Variants in ARRB1 observed in about 807,000 individuals in gnomAD.
The protein encoded by ARRB1 is beta-arrestin-1.
In ARRB1, 21 loss-of-function variants were observed where a neutral mutation model predicts 56.8. That is an observed-to-expected ratio of 0.37 (90% CI 0.26 to 0.53). ARRB1 has a LOEUF of 0.53. Ranked by LOEUF, ARRB1 falls within the 20% of genes least tolerant of loss-of-function variation. ARRB1 has a pLI of 0.88. For synonymous variants in ARRB1, 210 were observed against 218.6 expected, an observed-to-expected ratio of 0.96 and a Z score of 0.35; for missense variants, 424 against 553.7, an observed-to-expected ratio of 0.77 and a Z score of 2.35.
At chr11:75,329,006 A>G (rs1184196581) in intron 1 of ARRB1, among the ~76,000 whole-genome samples, 1 of 151,972 alleles carries the variant, frequency 6.6e-6, no homozygotes, top group African/African-American at 2.4e-5. Flanking sequence ...AGGGTTTCCC[A>G]TGCAAATTGG....
rs1214356937 is a variant in ARRB1, at chr11:75,264,403, T to A, written c.*1760A>T. 1.3e-5 allele frequency: 2 copies of A among 152,358 alleles called. No homozygotes were observed. The highest frequency in any genetic ancestry group is 3.9e-4 in the East Asian group (2 of 5,182). 9.4% of individuals were successfully genotyped at this position (152,358 alleles called of 1,614,324 possible). On this transcript the variant is annotated 3_prime_UTR_variant, in exon 16 of 16. Coordinates refer to ENST00000420843, the MANE Select transcript of ARRB1 (RefSeq NM_004041.5). Reference sequence around the variant, plus strand: ...TGTCCTGCTAATCAATATATTTGCCTGGGTAAACCTCAGGGTGTCTGTGCC... The same window carrying A: ...TGTCCTGCTAATCAATATATTTGCCAGGGTAAACCTCAGGGTGTCTGTGCC...
chr11:75,325,353 G>C (rs534796813), intron 1 of ARRB1, among the ~76,000 whole-genome samples: 11 of 152,270 alleles, frequency 7.2e-5, no homozygotes, highest in Middle Eastern at 3.4e-3. Flanking sequence ...AGGGTCTCTC[G>C]TTCTGTCACC....
In ARRB1 at chr11:75,283,473, C is replaced by T. The variant is rs749110525; in HGVS notation, c.168G>A (p.Thr56=). The change falls in exon 5 of 16, where the codon ACG becomes ACA. Residue 56 remains threonine (T), a synonymous_variant. Coordinates refer to ENST00000420843, the MANE Select transcript of ARRB1 (RefSeq NM_004041.5). Reference sequence around the variant, plus strand: ...GGCCATAGCGGAAGGCGCAGGTCAGCGTCACATAGACTGTGGGGAGCGAGG... The same window carrying T: ...GGCCATAGCGGAAGGCGCAGGTCAGTGTCACATAGACTGTGGGGAGCGAGG... ...EYLKERRVYV[T]LTCAFRYGRE... 23 of 1,610,518 alleles carry T rather than the reference C, an allele frequency of 1.4e-5. No individual in the cohort carries two copies. The highest frequency in any genetic ancestry group is 1.1e-4 in the African/African-American group (8 of 74,990).
chr11:75,300,030 C>CT (rs1946860461), intron 1 of ARRB1, among the ~76,000 whole-genome samples: 1 of 151,716 alleles, frequency 6.6e-6, no homozygotes, highest in South Asian at 2.1e-4. Context: ...CATGGTGAAA[C>CT]CCTGTCTCTA....
chr11:75,326,724 CTTTT>C (rs34937667), intron 1 of ARRB1, among the ~76,000 whole-genome samples: 3 of 123,794 alleles, frequency 2.4e-5, no homozygotes, highest in Non-Finnish European at 3.3e-5. Context: ...AAATTACTGT[CTTTT>C]TTTTTTTTTT....
At chr11:75,293,887 G>A (rs947972380) in intron 1 of ARRB1, among the ~76,000 whole-genome samples, 5 of 152,168 alleles carry the variant, frequency 3.3e-5, no homozygotes, top group African/African-American at 1.2e-4. Context: ...TTTTCCCCCG[G>A]TTGCACTGCT....
At chr11:75,284,072 G>A (rs1946418000) in intron 4 of ARRB1, among the ~76,000 whole-genome samples, 163 bp downstream of exon 4, 1 of 152,150 alleles carries the variant, frequency 6.6e-6, no homozygotes, top group African/African-American at 2.4e-5. Context: ...AAGTAAGCTT[G>A]GGGCAGGGCC....
intron 4 of ARRB1, among the ~76,000 whole-genome samples, chr11:75,283,820 G>A (rs910746775): frequency 1.3e-5 from 2 of 152,160 alleles, no homozygotes; most frequent in Non-Finnish European, 2.9e-5. Context: ...TGGGGGTAGG[G>A]GACCTGGGGA....
intron 9 of ARRB1, 147 bp downstream of exon 9, chr11:75,277,217 C>T (rs1946220541): frequency 8.2e-6 from 7 of 850,770 alleles, no homozygotes; most frequent in Admixed American, 2.4e-5. Flanking sequence ...AACTCAAAAG[C>T]TTTGCCCTGT....
intron 1 of ARRB1, among the ~76,000 whole-genome samples, chr11:75,338,295 C>T (rs1947641521): frequency 1.3e-5 from 2 of 152,138 alleles, no homozygotes; most frequent in African/African-American, 4.8e-5. Context: ...AGCAGAAAGA[C>T]AGCAACTAGA....
chr11:75,297,156 T>A (rs770751852), intron 1 of ARRB1, among the ~76,000 whole-genome samples: 3 of 152,180 alleles, frequency 2.0e-5, no homozygotes, highest in Non-Finnish European at 4.4e-5. Flanking sequence ...GCTCCCCTAA[T>A]TGATTCAATG....
Position 75,268,972 on chromosome 11 carries a change from C to T in ARRB1, c.1023-13G>A. ...CACGGCCACGTCGCTGAAACAGAGA[C>T]CCAGACCCAGTGAGCCTTGAGCGGA... On this transcript the variant is annotated splice_polypyrimidine_tract_variant and intron_variant, in intron 13 of 15. Transcript: ENST00000420843. 6.2e-7 allele frequency: 1 copy of T among 1,608,084 alleles called. No homozygotes were observed. Among genetic ancestry groups the T allele is most frequent in the Non-Finnish European group, 8.5e-7 (1 of 1,178,066 alleles).
At chr11:75,348,409 C>T (rs1416401384) in intron 1 of ARRB1, among the ~76,000 whole-genome samples, 2 of 152,124 alleles carry the variant, frequency 1.3e-5, no homozygotes, top group Admixed American at 6.5e-5. Context: ...ACATGTCATC[C>T]TGCGTTATGA....
intron 2 of ARRB1, among the ~76,000 whole-genome samples, chr11:75,289,079 G>A (rs1013045176): frequency 1.1e-4 from 16 of 152,338 alleles, no homozygotes; most frequent in African/African-American, 3.8e-4. Context: ...CCCTGGTGCA[G>A]CAGGGAAGGG....
At chr11:75,281,861 A>G in intron 6 of ARRB1, 101 bp downstream of exon 6, 2 of 1,205,212 alleles carry the variant, frequency 1.7e-6, no homozygotes, top group East Asian at 2.5e-5. Context: ...TTCAACAGGG[A>G]GAGTGGTCCT....
intron 1 of ARRB1, among the ~76,000 whole-genome samples, chr11:75,308,317 C>T (rs997888086): frequency 6.6e-6 from 1 of 152,214 alleles, no homozygotes; most frequent in African/African-American, 2.4e-5. Context: ...AGTCGCTGAG[C>T]CAGCATTTGA....
At chr11:75,328,439 G>A (rs1196952958) in intron 1 of ARRB1, among the ~76,000 whole-genome samples, 1 of 152,166 alleles carries the variant, frequency 6.6e-6, no homozygotes, top group Non-Finnish European at 1.5e-5. Flanking sequence ...CTGTGAATGA[G>A]GACAGTTGTT....
chr11:75,287,880 G>A (rs896951577), intron 2 of ARRB1, among the ~76,000 whole-genome samples: 1 of 151,850 alleles, frequency 6.6e-6, no homozygotes, highest in Non-Finnish European at 1.5e-5. Flanking sequence ...TTTTTTTTTC[G>A]AGATGGAATT....
Position 75,273,134 on chromosome 11 carries a change from G to A in ARRB1, c.915-156C>T, listed in dbSNP as rs867942930. Among the ~76,000 whole-genome samples the A allele has an allele frequency of 1.3e-5, 2 of 152,270 alleles. 1 individual carries two copies. The highest frequency in any genetic ancestry group is 6.8e-3 in the Middle Eastern group (2 of 294). ...AGAGCCCAGTGGAGATGAGGAAGGC[G>A]AGCAGTGCCCTTAGGTAGCAGGGAC... On this transcript the variant is annotated intron_variant, in intron 11 of 15. Coordinates refer to ENST00000420843, the MANE Select transcript of ARRB1 (RefSeq NM_004041.5).
Sources: gnomAD v4.1 joint callset for allele counts (sites outside exome capture counted in the v4.1 genomes callset) on GRCh38, gnomAD v4.1.1 for gene constraint, MANE v1.5 for transcripts, NCBI Gene and HGNC (gene_info 2026-07-23, HGNC 2026-07-21) for gene names.